Variants in ZNF592 observed in about 807,000 individuals in gnomAD.
ZNF592 encodes the protein zinc finger protein 592.
ZNF592 carries 11 observed loss-of-function variants against 80.3 expected under a neutral mutation model. The ratio of observed to expected loss-of-function variants is 0.14; its 90% CI spans 0.09 to 0.23. The LOEUF is 0.23. ZNF592 is among the 10% of genes least tolerant of loss of function. The probability of loss-of-function intolerance (pLI) is 1.00; values close to 1 mark genes in which losing one functional copy is unlikely to be tolerated. For synonymous variants in ZNF592, 646 were observed against 640.3 expected (o/e 1.01, Z -0.13); for missense variants, 1,420 against 1,633.9 (o/e 0.87, Z 2.26).
chr15:84,761,290 T>C (rs933021867), intron 1 of ZNF592, among the ~76,000 whole-genome samples: 25 of 152,226 alleles, frequency 1.6e-4, no homozygotes, highest in African/African-American at 5.8e-4. Flanking sequence ...GCAGAGTAAG[T>C]GACCTGATAA....
In ZNF592 at chr15:84,802,605, C is replaced by T. The variant is rs1963134262; in HGVS notation, c.*212C>T. 1 of 618,240 alleles carries T rather than the reference C, an allele frequency of 1.6e-6. No individual in the cohort carries two copies. Among genetic ancestry groups the T allele is most frequent in the Non-Finnish European group, 2.8e-6 (1 of 352,786 alleles). The allele number at this position is 618,240 out of a possible 1,614,324, so 38.3% of individuals were successfully genotyped here. A position where few individuals can be genotyped will look rare whatever the true frequency, so the allele number is the denominator to read the frequency against. ...GACCCTCACAGCTCTGAATTTGCTT[C>T]TGTTATTTATGGCTTTTCGCTGCTT... On this transcript the variant is annotated 3_prime_UTR_variant, in exon 11 of 11. Coordinates refer to ENST00000560079, the MANE Select transcript of ZNF592 (RefSeq NM_014630.3).
In ZNF592 at chr15:84,784,396, C is replaced by T. The variant is rs778219162; in HGVS notation, c.1721C>T (p.Pro574Leu). The change falls in exon 4 of 11, where the codon CCG (proline) becomes CTG (leucine). Residue 574 changes from proline to leucine, a missense_variant. Pro to Leu is a moderately conservative substitution (Grantham distance 98). Coordinates refer to ENST00000560079, the MANE Select transcript of ZNF592 (RefSeq NM_014630.3). The surrounding 1 kb of genome is among the most constrained non-coding windows in gnomAD (Gnocchi z 5.8). ...PVPLYAPNLSPPADSRIHVPA... is the reference protein window; with the variant it reads ...PVPLYAPNLSLPADSRIHVPA... ...CCCCTCTATGCGCCAAATCTCAGCC[C>T]GCCTGCGGACAGCAGGATCCACGTG... 7 of 1,614,184 alleles carry T rather than the reference C, an allele frequency of 4.3e-6. No homozygotes were observed. The highest frequency in any genetic ancestry group is 5.1e-6 in the Non-Finnish European group (6 of 1,180,044).
intron 3 of ZNF592, among the ~76,000 whole-genome samples, chr15:84,781,588 C>A (rs1447287595): frequency 2.6e-5 from 4 of 152,160 alleles, no homozygotes; most frequent in African/African-American, 9.7e-5. Flanking sequence ...TACCATACTG[C>A]TTTCTGAAAG....
chr15:84,757,592 G>A (rs1007945338), intron 1 of ZNF592, among the ~76,000 whole-genome samples: 1 of 151,544 alleles, frequency 6.6e-6, no homozygotes, highest in Non-Finnish European at 1.5e-5. Flanking sequence ...GGCTTGAAGC[G>A]ATCCTTCCAC....
chr15:84,783,516 C>T lies in ZNF592; in HGVS notation c.841C>T (p.Leu281=), dbSNP rs1962486869. 3 of 1,614,238 alleles carry T rather than the reference C, an allele frequency of 1.9e-6. No individual in the cohort carries two copies. The East Asian group carries it at 6.7e-5, about 36-fold the overall frequency. ...GCGTCTAAAGCCAGCTCATTCCAAG[C>T]TGTCCTCTTGTGTGGCAGCCTTGGT... is the stretch of plus-strand genomic sequence containing the variant. ...RQRLKPAHSK[L]SSCVAALVAL... The change falls in exon 4 of 11, where the codon CTG becomes TTG. Residue 281 remains leucine, a synonymous_variant. Transcript: ENST00000560079. The surrounding 1 kb of genome is among the most constrained non-coding windows in gnomAD (Gnocchi z 5.0).
intron 4 of ZNF592, among the ~76,000 whole-genome samples, chr15:84,788,017 T>G (rs894797512): frequency 6.6e-6 from 1 of 152,044 alleles, no homozygotes; most frequent in Non-Finnish European, 1.5e-5. Flanking sequence ...GAACTTTGAG[T>G]TTTACTGATT....
Position 84,771,408 on chromosome 15 carries a change from C to T in ZNF592, c.-150+6593C>T, listed in dbSNP as rs2141974449. On this transcript the variant is annotated intron_variant, in intron 2 of 10. Transcript: ENST00000560079. ...CTGGTGGGTTGGGGTATCAGGTATT[C>T]TCTAGTCAGGGGGATAGCTCAAACC... Among the ~76,000 whole-genome samples the T allele has an allele frequency of 1.3e-5, 2 of 152,150 alleles. 1 individual carries two copies. The highest frequency in any genetic ancestry group is 4.1e-4 in the South Asian group (2 of 4,820).
Position 84,782,799 on chromosome 15 carries a change from A to G in ZNF592, c.124A>G (p.Lys42Glu). ...TPSEENESPL[K>E]PPGICMDESV... The stretch of plus-strand genomic sequence containing the variant: ...CAGTGAGGAGAATGAGAGTCCCCTC[A>G]AACCTCCAGGCATATGTATGGATGA... The change falls in exon 4 of 11, where the codon AAA becomes GAA. Residue 42 changes from lysine (K) to glutamate (E), a missense_variant. Physicochemically the swap from Lys to Glu is moderately conservative, Grantham distance 56. Around this residue, in one of 7 missense-constraint regions of ZNF592, gnomAD observed 373 missense variants for 355.5 expected, o/e 1.05. Transcript: ENST00000560079. 2 of 1,614,150 alleles carry G rather than the reference A, an allele frequency of 1.2e-6. No individual in the cohort carries two copies. Among genetic ancestry groups the G allele is most frequent in the Non-Finnish European group, 1.7e-6 (2 of 1,180,030 alleles).
chr15:84,771,148 T>G (rs910522600), intron 2 of ZNF592, among the ~76,000 whole-genome samples: 2 of 152,028 alleles, frequency 1.3e-5, no homozygotes, highest in South Asian at 4.2e-4. Context: ...GGGAAAGACA[T>G]GACCCCCACA....
intron 10 of ZNF592, 87 bp downstream of exon 10, chr15:84,800,064 A>G (rs1963047546): frequency 1.3e-6 from 2 of 1,594,396 alleles, no homozygotes; most frequent in East Asian, 2.2e-5. Flanking sequence ...TGTTGTGGCC[A>G]TGGAACAACC....
intron 4 of ZNF592, among the ~76,000 whole-genome samples, chr15:84,788,335 A>G (rs1962646450): frequency 2.0e-5 from 3 of 152,168 alleles, no homozygotes; most frequent in Admixed American, 6.5e-5. Flanking sequence ...ATTGAGTTTC[A>G]AAGGATATTT....
At chr15:84,756,303 G>C (rs1899168216) in intron 1 of ZNF592, among the ~76,000 whole-genome samples, 3 of 152,266 alleles carry the variant, frequency 2.0e-5, no homozygotes, top group Non-Finnish European at 2.9e-5. Context: ...TGAGCCAGCA[G>C]AGTGGACTCT....
intron 10 of ZNF592, 90 bp from the exon 11 acceptor site, chr15:84,801,773 C>T (rs905158852): frequency 1.9e-6 from 3 of 1,599,818 alleles, no homozygotes; most frequent in East Asian, 4.5e-5. Context: ...CTGGGTGGTG[C>T]TTTCTTTGAG....
intron 1 of ZNF592, among the ~76,000 whole-genome samples, chr15:84,749,005 C>T (rs926648571): frequency 3.9e-5 from 6 of 152,134 alleles, no homozygotes; most frequent in African/African-American, 1.4e-4. Context: ...CCGGCGGCCC[C>T]CAGCCCGGGC....
intron 1 of ZNF592, among the ~76,000 whole-genome samples, chr15:84,754,748 T>C (rs1412941339): frequency 6.7e-6 from 1 of 149,962 alleles, no homozygotes; most frequent in Non-Finnish European, 1.5e-5. Context: ...TCCCTTTCTC[T>C]CATCAACACA....
chr15:84,793,775 G>T (rs1008464669), intron 5 of ZNF592, among the ~76,000 whole-genome samples: 11 of 152,134 alleles, frequency 7.2e-5, no homozygotes, highest in African/African-American at 2.7e-4. Context: ...GTGGAATTAT[G>T]TAATATTATT....
rs1325534280 is a variant in ZNF592, at chr15:84,806,244, T to G, written c.*3851T>G. On this transcript the variant is annotated 3_prime_UTR_variant, in exon 11 of 11. Transcript: ENST00000560079. ...AAGGGGTTCAGGATACTGTTCACCT[T>G]CTCCAACAGATGCCACCGGAGCCTT... 1 of 152,114 alleles carries G rather than the reference T, an allele frequency of 6.6e-6. No homozygotes were observed. Among genetic ancestry groups the G allele is most frequent in the African/African-American group, 2.4e-5 (1 of 41,428 alleles). The allele number at this position is 152,114 out of a possible 1,614,324, so 9.4% of individuals were successfully genotyped here.
chr15:84,759,628 A>C (rs1198391503), intron 1 of ZNF592, among the ~76,000 whole-genome samples: 1 of 152,160 alleles, frequency 6.6e-6, no homozygotes. Flanking sequence ...TCTTTAGTAC[A>C]TCATCACCAA....
rs1962511544 is a variant in ZNF592 at position 84,784,105 on chromosome 15, C to T, written c.1430C>T (p.Ser477Leu). 6.2e-7 allele frequency: 1 copy of T among 1,614,044 alleles called. No homozygotes were observed. Among genetic ancestry groups the T allele is most frequent in the South Asian group, 1.1e-5 (1 of 91,090 alleles). ...GTCCCAAAGGGGGCTGCCCCAGGCT[C>T]ACAGACAGGCAAGAAGCAACAGAGC... ...PRVPKGAAPG[S>L]QTGKKQQSTA... is the part of the protein sequence containing the mutation. The change falls in exon 4 of 11, where the codon TCA (serine) becomes TTA (leucine). Residue 477 changes from serine to leucine, a missense_variant. Physicochemically the swap from Ser to Leu is moderately radical, Grantham distance 145 (BLOSUM62 -2). Around this residue, in one of 7 missense-constraint regions of ZNF592, gnomAD observed 524 missense variants for 628.3 expected, o/e 0.83. Coordinates refer to ENST00000560079, the MANE Select transcript of ZNF592 (RefSeq NM_014630.3). The surrounding 1 kb of genome is among the most constrained non-coding windows in gnomAD (Gnocchi z 5.8).
Sources: gnomAD v4.1 joint callset for allele counts (sites outside exome capture counted in the v4.1 genomes callset) on GRCh38, gnomAD v4.1.1 for gene constraint, gnomAD v4.1.1 regional missense constraint, Gnocchi (gnomAD v3.1) non-coding constraint, MANE v1.5 for transcripts, NCBI Gene and HGNC (gene_info 2026-07-23, HGNC 2026-07-21) for gene names.